The following PXDNL variants were observed in gnomAD, a reference collection of about 807,000 sequenced individuals.
PXDNL encodes peroxidasin like.
PXDNL carries 145 observed loss-of-function variants against 150.8 expected under a neutral mutation model. The ratio of observed to expected loss-of-function variants is 0.96; its 90% CI spans 0.84 to 1.10. PXDNL has a LOEUF of 1.10. Among genes scored for constraint, PXDNL ranks in the 50% least tolerant of loss-of-function variants. The pLI is 0.00. For missense variants in PXDNL, 2,087 were observed against 1,873.9 expected, an observed-to-expected ratio of 1.11 and a Z score of -2.10; for synonymous variants, 757 against 725.7, an observed-to-expected ratio of 1.04 and a Z score of -0.69.
At chr8:51,456,399 G>T (rs1255791046) in intron 9 of PXDNL, among the ~76,000 whole-genome samples, 2 of 152,020 alleles carry the variant, frequency 1.3e-5, no homozygotes, top group Admixed American at 6.6e-5. Flanking sequence ...CAACTTAAAG[G>T]TCAATGCTCT....
intron 1 of PXDNL, among the ~76,000 whole-genome samples, chr8:51,684,976 C>T (rs1210749275): frequency 6.6e-6 from 1 of 152,188 alleles, no homozygotes; most frequent in African/African-American, 2.4e-5. Flanking sequence ...GAGCAAGAAC[C>T]TAGCCATGGG....
At chr8:51,645,633 T>C (rs1351860263) in intron 2 of PXDNL, among the ~76,000 whole-genome samples, 1 of 152,104 alleles carries the variant, frequency 6.6e-6, no homozygotes, top group Non-Finnish European at 1.5e-5. Flanking sequence ...CTGATAGATG[T>C]AGGGTTTGAG....
At chr8:51,498,459 A>C (rs1369993295) in intron 5 of PXDNL, among the ~76,000 whole-genome samples, 5 of 152,098 alleles carry the variant, frequency 3.3e-5, no homozygotes, top group Admixed American at 2.0e-4. Context: ...AAATAAATTT[A>C]TTAATATAAG....
In PXDNL at chr8:51,739,710, T is replaced by TA. The variant is rs879849538; in HGVS notation, c.164+69470dup. Among the ~76,000 whole-genome samples, 202 of 150,066 alleles carry TA rather than the reference T, an allele frequency of 1.3e-3. 1 individual carries two copies. The highest frequency in any genetic ancestry group is 4.3e-3 in the African/African-American group (178 of 40,948). Reference sequence around the variant, plus strand: ...TAACACAGTGAAGCCCCGTTTCTACTAAAAAAAAATAAAAAATTAGCTGGG... The same window carrying TA: ...TAACACAGTGAAGCCCCGTTTCTACTAAAAAAAAAATAAAAAATTAGCTGGG... On this transcript the variant is annotated intron_variant, in intron 1 of 22. Transcript: ENST00000356297.
At chr8:51,346,035 G>T in intron 19 of PXDNL, 88 bp from the exon 20 acceptor site, 1 of 774,046 alleles carries the variant, frequency 1.3e-6, no homozygotes, top group Non-Finnish European at 2.2e-6. Context: ...GTCAGAGAGG[G>T]CAAGAGTACC....
chr8:51,725,712 A>C (rs1247894834), intron 1 of PXDNL, among the ~76,000 whole-genome samples: 3 of 152,228 alleles, frequency 2.0e-5, no homozygotes, highest in African/African-American at 7.2e-5. Context: ...CAGTGGGAAC[A>C]ACTAAAGAAC....
At position 51,744,119 on chromosome 8, in the gene PXDNL, A is replaced by AAAGAAAGAAAGAAAGAAAGAAAGAAAGG. The variant is rs763172161; in HGVS notation, c.164+65061_164+65062insCCTTTCTTTCTTTCTTTCTTTCTTTCTT. ...GAAAGAAAGAAAGAAAGAAAGAAAG[A>AAAGAAAGAAAGAAAGAAAGAAAGAAAGG]AAGGAAGAAAGAGAAAGGAAGGAAG... is the stretch of plus-strand genomic sequence containing the variant. On this transcript the variant is annotated intron_variant, in intron 1 of 22. Transcript: ENST00000356297. Among the ~76,000 whole-genome samples the AAAGAAAGAAAGAAAGAAAGAAAGAAAGG allele has an allele frequency of 3.9e-4, 14 of 36,052 alleles. 3 individuals carry two copies. Among genetic ancestry groups the AAAGAAAGAAAGAAAGAAAGAAAGAAAGG allele is most frequent in the South Asian group, 1.6e-3 (1 of 640 alleles). The allele number at this position is 36,052 out of a possible 152,430, so 23.7% of individuals were successfully genotyped here. A position where few individuals can be genotyped will look rare whatever the true frequency, so the allele number is the denominator to read the frequency against.
chr8:51,765,813 A>G (rs762636922), intron 1 of PXDNL, among the ~76,000 whole-genome samples: 6 of 150,238 alleles, frequency 4.0e-5, no homozygotes, highest in Non-Finnish European at 8.9e-5. Flanking sequence ...TTAAATCAAA[A>G]TTCTCTACTG....
intron 12 of PXDNL, among the ~76,000 whole-genome samples, chr8:51,427,852 A>G (rs1809149199): frequency 6.6e-6 from 1 of 152,234 alleles, no homozygotes; most frequent in African/African-American, 2.4e-5. Flanking sequence ...GTCTTATTCA[A>G]CACAGTGCTG....
In PXDNL at chr8:51,574,198, T is replaced by TA. The variant is rs567215615; in HGVS notation, c.309-17288dup. On this transcript the variant is annotated intron_variant, in intron 3 of 22. Coordinates refer to ENST00000356297, the MANE Select transcript of PXDNL (RefSeq NM_144651.5). ...GGAAATAACTTTTTTAAACCAGCCT[T>TA]AAAAAACAAATAGGAAATATAAAAA... Among the ~76,000 whole-genome samples the TA allele has an allele frequency of 1.7e-3, 262 of 151,814 alleles. 2 individuals carry two copies. The highest frequency in any genetic ancestry group is 6.1e-3 in the African/African-American group (252 of 41,422).
intron 1 of PXDNL, among the ~76,000 whole-genome samples, chr8:51,710,204 C>T (rs927570366): frequency 6.6e-6 from 1 of 152,216 alleles, no homozygotes; most frequent in African/African-American, 2.4e-5. Flanking sequence ...CAGACAAAAT[C>T]TGTCTTGCTC....
chr8:51,411,391 T>A lies in PXDNL; in HGVS notation c.1921A>T (p.Ser641Cys), dbSNP rs1440754657. 1 of 1,573,926 alleles carries A rather than the reference T, an allele frequency of 6.4e-7. No homozygotes were observed. The highest frequency in any genetic ancestry group is 1.4e-5 in the African/African-American group (1 of 72,396). ...TAATGAAATTGAGCCAGCAGGTCAC[T>A]GGAGGTGTGAGGTTTTCTGCAAATG... Reference protein sequence around the residue: ...HLFSQKPHTSSDLLAQFHYPR... With the variant: ...HLFSQKPHTSCDLLAQFHYPR... The change falls in exon 16 of 23, where the codon AGT (serine) becomes TGT (cysteine). Residue 641 changes from serine to cysteine, a missense_variant. Coordinates refer to ENST00000356297, the MANE Select transcript of PXDNL (RefSeq NM_144651.5).
chr8:51,618,569 T>C (rs926782740), intron 2 of PXDNL, among the ~76,000 whole-genome samples: 2 of 152,190 alleles, frequency 1.3e-5, no homozygotes, highest in African/African-American at 4.8e-5. Context: ...TGGAACCTGA[T>C]AGGAGGCCTC....
At chr8:51,562,749 A>C (rs1198527618) in intron 3 of PXDNL, among the ~76,000 whole-genome samples, 3 of 152,016 alleles carry the variant, frequency 2.0e-5, no homozygotes, top group African/African-American at 7.2e-5. Flanking sequence ...GGAAGATGAC[A>C]GACATCACAG....
intron 3 of PXDNL, among the ~76,000 whole-genome samples, chr8:51,572,271 C>G (rs1392491052): frequency 1.3e-5 from 2 of 151,744 alleles, no homozygotes; most frequent in Non-Finnish European, 2.9e-5. Flanking sequence ...ACATGCAAAG[C>G]AGTATTCATA....
At position 51,449,068 on chromosome 8, in the gene PXDNL, G is replaced by A; in HGVS notation, c.1300C>T (p.His434Tyr). 6.4e-7 allele frequency: 1 copy of A among 1,553,266 alleles called. No homozygotes were observed. The highest frequency in any genetic ancestry group is 8.7e-7 in the Non-Finnish European group (1 of 1,147,768). Reference protein sequence around the residue: ...TPKDQVVLEEHAVEWLCEADG... With the variant: ...TPKDQVVLEEYAVEWLCEADG... ...GCTTCACAGAGCCACTCTACAGCAT[G>A]TTCTTCCAGCACCACTTGATCCTTG... The change falls in exon 11 of 23, where the codon CAT becomes TAT. Residue 434 changes from histidine (H) to tyrosine (Y), a missense_variant. His to Tyr is a moderately conservative substitution (Grantham distance 83). Coordinates refer to ENST00000356297, the MANE Select transcript of PXDNL (RefSeq NM_144651.5).
intron 17 of PXDNL, among the ~76,000 whole-genome samples, chr8:51,378,319 C>A (rs61134940): frequency 0.027 from 4,166 of 152,118 alleles, 179 homozygotes; most frequent in African/African-American, 0.096. Flanking sequence ...TGTAAATGCA[C>A]CAATCAGCAC....
At chr8:51,765,458 T>G (rs1585733431) in intron 1 of PXDNL, among the ~76,000 whole-genome samples, 1 of 152,210 alleles carries the variant, frequency 6.6e-6, no homozygotes, top group Admixed American at 6.5e-5. Context: ...CTCGGGTATG[T>G]CTTTATCAGC....
At chr8:51,688,284 G>A (rs1815918142) in intron 1 of PXDNL, among the ~76,000 whole-genome samples, 1 of 152,006 alleles carries the variant, frequency 6.6e-6, no homozygotes, top group Non-Finnish European at 1.5e-5. Flanking sequence ...GTCAGGCAAA[G>A]AGACTGTGAC....
Sources: allele counts gnomAD v4.1 joint callset (sites outside exome capture counted in the v4.1 genomes callset), GRCh38; gene constraint gnomAD v4.1.1; transcripts MANE v1.5; gene names NCBI Gene and HGNC (gene_info 2026-07-23, HGNC 2026-07-21).